CDKL3: variants seen among roughly 807,000 people sequenced by gnomAD.
The protein encoded by CDKL3 is cyclin-dependent kinase-like 3.
Under a neutral mutation model 69.3 loss-of-function variants are expected in CDKL3, and 65 were observed. That is an observed-to-expected ratio of 0.94 (90% CI 0.77 to 1.15). The LOEUF (loss-of-function observed/expected upper bound fraction) is 1.15. Among genes scored for constraint, CDKL3 ranks in the 50% most tolerant of loss-of-function variants. The probability of loss-of-function intolerance (pLI) is 0.00; values close to 1 mark genes in which losing one functional copy is unlikely to be tolerated. For synonymous variants in CDKL3, 202 were observed against 221.6 expected (o/e 0.91, Z 0.79); for missense variants, 652 against 689.2 (o/e 0.95, Z 0.61).
At chr5:134,305,680 T>C (rs2149434051) in intron 10 of CDKL3, among the ~76,000 whole-genome samples, 1 of 152,344 alleles carries the variant, frequency 6.6e-6, no homozygotes, top group South Asian at 2.1e-4. Flanking sequence ...TAATGTTTAG[T>C]ATTCCACTGT....
chr5:134,320,980 T>C (rs1255192082), intron 5 of CDKL3, among the ~76,000 whole-genome samples: 1 of 150,422 alleles, frequency 6.6e-6, no homozygotes, highest in Non-Finnish European at 1.5e-5. Flanking sequence ...GATCATCAAA[T>C]AATTAAACTC....
At chr5:134,323,426 C>T (rs1773316767) in intron 4 of CDKL3, among the ~76,000 whole-genome samples, 1 of 152,048 alleles carries the variant, frequency 6.6e-6, no homozygotes, top group South Asian at 2.1e-4. Context: ...GAATAGCCAA[C>T]ACAATTTGAA....
At chr5:134,284,526 T>C (rs2099867926), downstream of CDKL3, among the ~76,000 whole-genome samples, 2 of 152,168 alleles carry the variant, frequency 1.3e-5, no homozygotes, top group Admixed American at 6.5e-5. Flanking sequence ...ATAAACATCT[T>C]AACAGGAAAG....
intron 3 of CDKL3, 132 bp downstream of exon 3, chr5:134,359,763 TCC>T: frequency 1.5e-6 from 1 of 671,694 alleles, no homozygotes; most frequent in Non-Finnish European, 2.4e-6. Context: ...CTATTCCCTA[TCC>T]CCATTTTCAG....
At chr5:134,301,040 G>C (rs749133435) in intron 12 of CDKL3, among the ~76,000 whole-genome samples, 4 of 151,764 alleles carry the variant, frequency 2.6e-5, no homozygotes, top group Non-Finnish European at 5.9e-5. Flanking sequence ...TTGTTGTCTA[G>C]GCTGGAGTGC....
intron 11 of CDKL3, 101 bp downstream of exon 11, chr5:134,304,304 C>T (rs1767158014): frequency 1.1e-6 from 1 of 936,792 alleles, no homozygotes; most frequent in Admixed American, 3.2e-5. Context: ...CACCAATTTA[C>T]TATTTTCTAC....
At chr5:134,286,620 G>C (rs1764878816) in intron 8 of CDKL3, 1 of 152,642 alleles carries the variant, frequency 6.6e-6, no homozygotes, top group African/African-American at 2.4e-5. Flanking sequence ...CACATGGCTG[G>C]GGAGGCTTCA....
downstream of CDKL3, among the ~76,000 whole-genome samples, chr5:134,296,782 T>TACAC (rs36097045): frequency 0.022 from 3,162 of 141,550 alleles, 37 homozygotes; most frequent in African/African-American, 0.038. Flanking sequence ...ACCCTGTCTC[T>TACAC]ACACACACAC....
rs1768578574 is a variant in CDKL3, at chr5:134,308,736, ACAAG to A, written c.882-13_882-10del. ...TCAGTTCTGGCATGAATCTGACAAA[ACAAG>A]CAATATCAACGAGTAATCTTTTTAT... On this transcript the variant is annotated splice_polypyrimidine_tract_variant and intron_variant, in intron 7 of 12. Coordinates refer to ENST00000265334, the MANE Select transcript of CDKL3 (RefSeq NM_001113575.2). 1 of 1,576,442 alleles carries A rather than the reference ACAAG, an allele frequency of 6.3e-7. No individual in the cohort carries two copies. Among genetic ancestry groups the A allele is most frequent in the Non-Finnish European group, 8.5e-7 (1 of 1,169,682 alleles).
At chr5:134,325,181 A>G (rs1391710156) in intron 4 of CDKL3, among the ~76,000 whole-genome samples, 3 of 152,188 alleles carry the variant, frequency 2.0e-5, no homozygotes, top group Non-Finnish European at 4.4e-5. Flanking sequence ...CTGTCTCATA[A>G]GTAAATAAAG....
upstream of CDKL3, among the ~76,000 whole-genome samples, chr5:134,368,986 C>T (rs1758036449): frequency 2.0e-5 from 3 of 152,162 alleles, no homozygotes; most frequent in South Asian, 6.2e-4. Context: ...CTGTTCACAC[C>T]ACTGCACTCC....
chr5:134,362,650 C>T (rs984017051), intron 2 of CDKL3, among the ~76,000 whole-genome samples: 4 of 152,066 alleles, frequency 2.6e-5, no homozygotes, highest in African/African-American at 7.2e-5. Flanking sequence ...CAGTGAGTGC[C>T]AGGTGCAGTG....
rs1210311088 is a variant in CDKL3 at position 134,319,368 on chromosome 5, T to A, written c.782A>T (p.Asp261Val). The A allele has an allele frequency of 2.8e-5, 42 of 1,517,842 alleles. No homozygotes were observed. The highest frequency in any genetic ancestry group is 3.6e-5 in the Non-Finnish European group (41 of 1,136,818). 94.0% of individuals were successfully genotyped at this position (1,517,842 alleles called of 1,614,324 possible). ...KYPKLNGLLA[D>V]IVHACLQIDP... The stretch of plus-strand genomic sequence containing the variant: ...AAAAAAAAAACATACATGAACTATA[T>A]CTGCCAACAATCCATTAAGCTTTGG... The change falls in exon 6 of 13, where the codon GAT becomes GTT. Residue 261 changes from aspartate (D) to valine (V), a missense_variant. Transcript: ENST00000265334.
At chr5:134,347,376 A>G (rs1752161714) in intron 4 of CDKL3, among the ~76,000 whole-genome samples, 1 of 152,168 alleles carries the variant, frequency 6.6e-6, no homozygotes, top group Non-Finnish European at 1.5e-5. Context: ...TTACTGTATG[A>G]CCCACAATTC....
chr5:134,306,478 C>T (rs556488563), intron 10 of CDKL3, 131 bp downstream of exon 10: 2 of 614,442 alleles, frequency 3.3e-6, no homozygotes, highest in Admixed American at 6.0e-5. Flanking sequence ...GTCTGGGCAA[C>T]AGAGAGAGAT....
chr5:134,311,762 G>A (rs921515087), intron 7 of CDKL3, among the ~76,000 whole-genome samples: 1 of 152,062 alleles, frequency 6.6e-6, no homozygotes, highest in Non-Finnish European at 1.5e-5. Flanking sequence ...ACTGTGTAAC[G>A]AATGTTAGTT....
At chr5:134,317,556 C>T (rs1419811719) in intron 6 of CDKL3, among the ~76,000 whole-genome samples, 1 of 152,102 alleles carries the variant, frequency 6.6e-6, no homozygotes, top group Non-Finnish European at 1.5e-5. Flanking sequence ...GATAGGAGTT[C>T]GAGGTTGCAG....
intron 3 of CDKL3, among the ~76,000 whole-genome samples, chr5:134,355,842 G>A (rs975182128): frequency 6.6e-6 from 1 of 152,138 alleles, no homozygotes; most frequent in South Asian, 2.1e-4. Context: ...GACATGGCAT[G>A]GTAGAAAGGA....
chr5:134,351,911 T>C (rs761021306), intron 3 of CDKL3, among the ~76,000 whole-genome samples: 3 of 152,210 alleles, frequency 2.0e-5, no homozygotes, highest in Non-Finnish European at 4.4e-5. Flanking sequence ...TGAGAACACT[T>C]AAATTCTACT....
Sources: gnomAD v4.1 joint callset for allele counts (sites outside exome capture counted in the v4.1 genomes callset) on GRCh38, gnomAD v4.1.1 for gene constraint, MANE v1.5 for transcripts, NCBI Gene and HGNC (gene_info 2026-07-23, HGNC 2026-07-21) for gene names.